Variants in DLG2 observed in about 807,000 individuals in gnomAD.
DLG2 encodes disks large homolog 2.
Under a neutral mutation model 132.5 loss-of-function variants are expected in DLG2, and 45 were observed. That is an observed-to-expected ratio of 0.34 (90% CI 0.27 to 0.44). DLG2 has a LOEUF of 0.44. Among genes scored for constraint, DLG2 ranks in the 20% least tolerant of loss-of-function variants. DLG2 has a pLI of 1.00. For synonymous variants in DLG2, 424 were observed against 419.6 expected (o/e 1.01, Z -0.13); for missense variants, 1,045 against 1,196.9 (o/e 0.87, Z 1.87).
At chr11:83,765,323 G>T (rs1360317202) in intron 18 of DLG2, among the ~76,000 whole-genome samples, 1 of 152,142 alleles carries the variant, frequency 6.6e-6, no homozygotes, top group Non-Finnish European at 1.5e-5. Flanking sequence ...ACTGCTAGAG[G>T]AATTAATCAA....
chr11:84,578,673 G>A (rs1167905056), intron 6 of DLG2, among the ~76,000 whole-genome samples: 2 of 152,200 alleles, frequency 1.3e-5, no homozygotes, highest in African/African-American at 2.4e-5. Context: ...ATAGGCAGAA[G>A]GGACTTGCCT....
At chr11:83,935,844 C>G (rs1341535195) in intron 14 of DLG2, among the ~76,000 whole-genome samples, 1 of 152,212 alleles carries the variant, frequency 6.6e-6, no homozygotes, top group Non-Finnish European at 1.5e-5. Flanking sequence ...AGGTTTAGAT[C>G]TGGCTCTTTC....
intron 6 of DLG2, among the ~76,000 whole-genome samples, chr11:84,832,452 G>A (rs1290958084): frequency 6.6e-6 from 1 of 151,550 alleles, no homozygotes; most frequent in Admixed American, 6.6e-5. Flanking sequence ...ACTTCCAAAA[G>A]GTTAGTAACT....
chr11:84,175,980 T>A (rs1439292646), intron 8 of DLG2, among the ~76,000 whole-genome samples: 1 of 152,132 alleles, frequency 6.6e-6, no homozygotes, highest in Non-Finnish European at 1.5e-5. Context: ...TAAAGTTGTT[T>A]ATATCTAACA....
chr11:83,464,654 T>C (rs2090669288), intron 26 of DLG2, among the ~76,000 whole-genome samples: 1 of 152,200 alleles, frequency 6.6e-6, no homozygotes, highest in Non-Finnish European at 1.5e-5. Flanking sequence ...CCCTAAGGCA[T>C]AACTAAAATA....
chr11:84,870,673 G>A (rs561694488), intron 6 of DLG2, among the ~76,000 whole-genome samples: 3 of 152,116 alleles, frequency 2.0e-5, no homozygotes, highest in Admixed American at 1.3e-4. Flanking sequence ...ATTCATCACT[G>A]TGTACATAAT....
intron 7 of DLG2, among the ~76,000 whole-genome samples, chr11:84,261,654 T>G (rs2097548973): frequency 6.6e-6 from 1 of 152,218 alleles, no homozygotes; most frequent in South Asian, 2.1e-4. Flanking sequence ...CATGTCTCCG[T>G]GCAGAAATTG....
intron 2 of DLG2, among the ~76,000 whole-genome samples, chr11:85,603,166 A>G (rs2080287416): frequency 6.6e-6 from 1 of 152,242 alleles, no homozygotes; most frequent in African/African-American, 2.4e-5. Context: ...TTAATTTTTA[A>G]AAATGATTTC....
intron 6 of DLG2, among the ~76,000 whole-genome samples, chr11:84,879,829 G>A (rs116644621): frequency 0.012 from 1,857 of 152,210 alleles, 41 homozygotes; most frequent in African/African-American, 0.042. Flanking sequence ...TGATCAAAGT[G>A]TAAAAGATAT....
chr11:84,536,742 C>T (rs2099356427), intron 6 of DLG2, among the ~76,000 whole-genome samples: 1 of 152,208 alleles, frequency 6.6e-6, no homozygotes, highest in Admixed American at 6.5e-5. Flanking sequence ...TCCATCCTGT[C>T]TTTTGCCTGC....
chr11:85,366,943 C>CAAACAAAA (rs2084605957), intron 3 of DLG2, among the ~76,000 whole-genome samples: 1 of 152,030 alleles, frequency 6.6e-6, no homozygotes, highest in African/African-American at 2.4e-5. Context: ...AATTATGTAT[C>CAAACAAAA]ACTGTGATTT....
intron 3 of DLG2, among the ~76,000 whole-genome samples, chr11:85,562,974 T>C (rs951588357): frequency 2.0e-5 from 3 of 151,870 alleles, no homozygotes; most frequent in African/African-American, 7.2e-5. Flanking sequence ...GGATTAAATA[T>C]ATATTCTTTG....
At chr11:84,771,377 T>C (rs985275440) in intron 6 of DLG2, among the ~76,000 whole-genome samples, 2 of 152,248 alleles carry the variant, frequency 1.3e-5, no homozygotes, top group Non-Finnish European at 2.9e-5. Context: ...TCAATGATAC[T>C]GAGCTTTTTT....
chr11:84,867,321 G>A (rs2084725916), intron 6 of DLG2, among the ~76,000 whole-genome samples: 1 of 152,312 alleles, frequency 6.6e-6, no homozygotes, highest in Non-Finnish European at 1.5e-5. Flanking sequence ...GCCTCACTCA[G>A]AGTGGGAGTA....
intron 18 of DLG2, among the ~76,000 whole-genome samples, chr11:83,738,010 C>A (rs2092135881): frequency 6.6e-6 from 1 of 152,094 alleles, no homozygotes; most frequent in Non-Finnish European, 1.5e-5. Context: ...CAGAGAGGAA[C>A]CCCAGAGGGA....
At chr11:84,628,626 A>G (rs1248495068) in intron 6 of DLG2, among the ~76,000 whole-genome samples, 1 of 152,158 alleles carries the variant, frequency 6.6e-6, no homozygotes, top group African/African-American at 2.4e-5. Flanking sequence ...ACCTGGATAT[A>G]CTTCAAGTCT....
chr11:84,308,560 G>A (rs2098252626), intron 7 of DLG2, among the ~76,000 whole-genome samples: 1 of 152,224 alleles, frequency 6.6e-6, no homozygotes, highest in African/African-American at 2.4e-5. Flanking sequence ...GCACTCCTCA[G>A]CCCTTGGGCG....
intron 6 of DLG2, among the ~76,000 whole-genome samples, chr11:84,960,372 C>A (rs2052367978): frequency 6.6e-6 from 1 of 152,092 alleles, no homozygotes; most frequent in Non-Finnish European, 1.5e-5. Context: ...TCCCTAAATT[C>A]CAACTCCTCT....
At chr11:85,330,792 T>TAAAAAAAAAAAAAAAAAAAAAAAA (rs56995757) in intron 3 of DLG2, among the ~76,000 whole-genome samples, 2 of 116,494 alleles carry the variant, frequency 1.7e-5, no homozygotes. Flanking sequence ...AAAAAAAAAT[T>TAAAAAAAAAAAAAAAAAAAAAAAA]AAAAAAAAAA....
Sources: allele counts gnomAD v4.1 joint callset (sites outside exome capture counted in the v4.1 genomes callset), GRCh38; gene constraint gnomAD v4.1.1; transcripts MANE v1.5; gene names NCBI Gene and HGNC (gene_info 2026-07-23, HGNC 2026-07-21).